Variants in ERCC6 observed in about 807,000 individuals in gnomAD.
The protein encoded by ERCC6 is ERCC excision repair 6, chromatin remodeling factor, also known as DNA excision repair protein ERCC-6.
A neutral mutation model predicts 158.7 loss-of-function variants in ERCC6; 116 were observed. The ratio of observed to expected loss-of-function variants is 0.73; its 90% CI spans 0.63 to 0.85. The LOEUF is 0.85. Among genes scored for constraint, ERCC6 ranks in the 40% least tolerant of loss-of-function variants. The pLI is 0.00. For synonymous variants in ERCC6, 678 were observed against 659.3 expected (o/e 1.03, Z -0.43); for missense variants, 1,698 against 1,799.4 (o/e 0.94, Z 1.02).
Position 49,502,953 on chromosome 10 carries a change from C to T in ERCC6, c.1527-2257G>A, listed in dbSNP as rs571957636. The T allele has an allele frequency of 3.3e-5, 5 of 152,014 alleles. No homozygotes were observed. The South Asian group carries it at 1.0e-3, about 32-fold the overall frequency. The allele number at this position is 152,014 out of a possible 1,614,324, so 9.4% of individuals were successfully genotyped here. ...AAAAGACACACTGCAAAAAGCTCTC[C>T]AAAAAAACTGATGTGCAATTAGTTT... On this transcript the variant is annotated intron_variant, in intron 6 of 20. Transcript: ENST00000355832.
At chr10:49,448,921 C>A in the ERCC6 span, among the ~76,000 whole-genome samples, 2 of 152,142 alleles carry the variant, frequency 1.3e-5, no homozygotes, top group Non-Finnish European at 2.9e-5. Flanking sequence ...TTGGCTATTA[C>A]GAACAATGCT....
At position 49,526,630 on chromosome 10, in the gene ERCC6, T is replaced by A. The variant is rs79068233; in HGVS notation, c.652+1787A>T. ...TGAGTATTTTGCCTCAATTAAGCCT[T>A]AGGTCTTTACACTGAGTATTTTGCT... is the stretch of plus-strand genomic sequence containing the variant. On this transcript the variant is annotated intron_variant, in intron 4 of 20. Coordinates refer to ENST00000355832, the MANE Select transcript of ERCC6 (RefSeq NM_000124.4). 3.7e-3 allele frequency among the ~76,000 whole-genome samples: 562 copies of A among 152,328 alleles called. 6 individuals are homozygous for A. The highest frequency in any genetic ancestry group is 0.013 in the African/African-American group (544 of 41,566).
At chr10:49,519,652 G>C (rs1365713077) in intron 5 of ERCC6, among the ~76,000 whole-genome samples, 1 of 152,138 alleles carries the variant, frequency 6.6e-6, no homozygotes, top group African/African-American at 2.4e-5. Context: ...GCATGGGTCG[G>C]GGATTTATCC....
chr10:49,473,092 G>A, intron 14 of ERCC6, 64 bp from the exon 15 acceptor site: 1 of 1,609,396 alleles, frequency 6.2e-7, no homozygotes, highest in Non-Finnish European at 8.5e-7. Flanking sequence ...CTCAGCCTCT[G>A]CCTCCACATA....
At chr10:49,459,638 G>A (rs1291264615) in intron 20 of ERCC6, among the ~76,000 whole-genome samples, 1 of 152,032 alleles carries the variant, frequency 6.6e-6, no homozygotes, top group African/African-American at 2.4e-5. Context: ...TGTGGATAAG[G>A]AACAATATCA....
rs2132565119 is a variant in ERCC6 at position 49,493,248 on chromosome 10, C to A, written c.1690G>T (p.Glu564Ter). ...ACAATTACAGTTGGACCCAACCCCT[C>A]AAACCTGCATCCAAACGTCCAAGAA... ...IRTRGSNYRF[E>*]GLGPTVIVCP... The change falls in exon 8 of 21, where the codon GAG becomes TAG. Residue 564 changes from glutamate (E) to a stop codon, truncating the protein, a stop_gained. Coordinates refer to ENST00000355832, the MANE Select transcript of ERCC6 (RefSeq NM_000124.4). LOFTEE classifies it high-confidence loss of function. 1.9e-6 allele frequency: 3 copies of A among 1,614,100 alleles called. No homozygotes were observed. The South Asian group carries it at 3.3e-5, about 18-fold the overall frequency.
chr10:49,527,011 C>T (rs1837356176), intron 4 of ERCC6, among the ~76,000 whole-genome samples: 1 of 152,126 alleles, frequency 6.6e-6, no homozygotes, highest in Non-Finnish European at 1.5e-5. Context: ...CCAGAAATAA[C>T]TATGCAGAAG....
rs754653514 is a variant in ERCC6 at position 49,470,738 on chromosome 10, C to T, written c.3222G>A (p.Glu1074=). The T allele has an allele frequency of 3.7e-6, 6 of 1,614,130 alleles. No homozygotes were observed. The highest frequency in any genetic ancestry group is 2.2e-5 in the South Asian group (2 of 91,080). The change falls in exon 18 of 21, where the codon GAG becomes GAA. Residue 1074 remains glutamate, a synonymous_variant. Coordinates refer to ENST00000355832, the MANE Select transcript of ERCC6 (RefSeq NM_000124.4). ...NDATSSEEKS[E]AKGAEVNAVT... is the part of the protein sequence containing the mutation. ...CTGCATTTACTTCAGCTCCTTTAGC[C>T]TCAGATTTCTCTTCAGATGATGTGG... is the stretch of plus-strand genomic sequence containing the variant.
At chr10:49,536,163 C>T (rs1050175107) in intron 1 of ERCC6, among the ~76,000 whole-genome samples, 4 of 152,096 alleles carry the variant, frequency 2.6e-5, no homozygotes, top group African/African-American at 9.7e-5. Context: ...AAAAACCAGA[C>T]TGTAGTGGTT....
intron 5 of ERCC6, among the ~76,000 whole-genome samples, chr10:49,511,748 A>G (rs2132590160): frequency 1.3e-5 from 2 of 152,272 alleles, no homozygotes; most frequent in East Asian, 1.9e-4. Flanking sequence ...TCTAACTCCT[A>G]AAGCCCGTCT....
chr10:49,478,501 T>C (rs1004529516), intron 10 of ERCC6, 31 bp from the exon 11 acceptor site: 1 of 1,309,834 alleles, frequency 7.6e-7, no homozygotes, highest in Non-Finnish European at 1.1e-6. Flanking sequence ...GGAACATTAC[T>C]ATATATGTTT....
chr10:49,506,825 T>C (rs1466664770), intron 5 of ERCC6, among the ~76,000 whole-genome samples: 4 of 150,560 alleles, frequency 2.7e-5, no homozygotes, highest in Non-Finnish European at 5.9e-5. Context: ...AAAAAAAGCC[T>C]CAAATTCTAT....
At chr10:49,503,595 G>C (rs1168225988) in intron 6 of ERCC6, 1 of 152,072 alleles carries the variant, frequency 6.6e-6, no homozygotes, top group Non-Finnish European at 1.5e-5. Flanking sequence ...TACATAGCTG[G>C]TGTTGCTAGA....
At chr10:49,437,110 G>A in the ERCC6 span, among the ~76,000 whole-genome samples, 6 of 152,068 alleles carry the variant, frequency 3.9e-5, no homozygotes, top group African/African-American at 1.4e-4. Flanking sequence ...AGATCCGATG[G>A]TTTTATAAGG....
downstream of ERCC6, among the ~76,000 whole-genome samples, chr10:49,451,458 G>A (rs1179830071): frequency 2.6e-5 from 4 of 151,994 alleles, no homozygotes; most frequent in Admixed American, 6.5e-5. Flanking sequence ...GTTTCCTTCC[G>A]TTCCTCGTTT....
chr10:49,505,173 C>T (rs1851422620), intron 6 of ERCC6: 1 of 152,080 alleles, frequency 6.6e-6, no homozygotes, highest in Non-Finnish European at 1.5e-5. Context: ...AAGTAAATCC[C>T]AGGAGTGACG....
downstream of ERCC6, among the ~76,000 whole-genome samples, chr10:49,451,764 C>T (rs1276801400): frequency 6.6e-6 from 1 of 152,168 alleles, no homozygotes. Context: ...CAGGGCAATA[C>T]TGGGAAGTAC....
At position 49,493,146 on chromosome 10, in the gene ERCC6, G is replaced by A; in HGVS notation, c.1792C>T (p.His598Tyr). ...WWPPFRVAIL[H>Y]ETGSYTHKKE... ...TTGTGGGTATAGGAACCGGTTTCAT[G>A]TAGAATTGCCACTCTGAACGGAGGC... Residue 598 changes from histidine to tyrosine, a missense_variant, in exon 8 of 21, where the codon CAT (histidine) becomes TAT (tyrosine). Coordinates refer to ENST00000355832, the MANE Select transcript of ERCC6 (RefSeq NM_000124.4). The A allele has an allele frequency of 1.2e-6, 2 of 1,614,152 alleles. No homozygotes were observed. Among genetic ancestry groups the A allele is most frequent in the South Asian group, 1.1e-5 (1 of 91,074 alleles).
intron 20 of ERCC6, 98 bp from the exon 21 acceptor site, chr10:49,459,332 T>G: frequency 7.4e-7 from 1 of 1,349,722 alleles, no homozygotes; most frequent in South Asian, 1.2e-5. Context: ...ACAACACATG[T>G]GCCAGGGTGG....
Sources: allele counts gnomAD v4.1 joint callset (sites outside exome capture counted in the v4.1 genomes callset), GRCh38; gene constraint gnomAD v4.1.1; transcripts MANE v1.5; gene names NCBI Gene and HGNC (gene_info 2026-07-23, HGNC 2026-07-21).